SCAF4: variants seen among roughly 807,000 people sequenced by gnomAD.
SCAF4 encodes SR-related and CTD-associated factor 4.
A neutral mutation model predicts 129.8 loss-of-function variants in SCAF4; 25 were observed. That is an observed-to-expected ratio of 0.19 (90% confidence interval 0.14 to 0.27). SCAF4 has a LOEUF of 0.27. Among genes scored for constraint, SCAF4 ranks in the 10% least tolerant of loss-of-function variants. The pLI, the probability that SCAF4 is intolerant of heterozygous loss-of-function variation, is 1.00. For missense variants in SCAF4, 1,246 were observed against 1,457.1 expected, an observed-to-expected ratio of 0.86 and a Z score of 2.36; for synonymous variants, 551 against 497.7, an observed-to-expected ratio of 1.11 and a Z score of -1.43.
intron 19 of SCAF4, among the ~76,000 whole-genome samples, chr21:31,678,200 A>C (rs754263721): frequency 2.0e-5 from 3 of 152,188 alleles, no homozygotes; most frequent in Non-Finnish European, 4.4e-5. Flanking sequence ...AGAATATCCA[A>C]CATTTTAATT....
At chr21:31,717,948 T>C (rs9975022) in intron 1 of SCAF4, among the ~76,000 whole-genome samples, 5,163 of 112,120 alleles carry the variant, frequency 0.046, 103 homozygotes, top group Middle Eastern at 0.064. Flanking sequence ...CACACACACA[T>C]ATATATTTTT....
chr21:31,706,386 A>C lies in SCAF4; in HGVS notation c.31-29T>G, dbSNP rs143641990. The C allele has an allele frequency of 6.9e-6, 10 of 1,455,336 alleles. No individual in the cohort carries two copies. In the African/African-American group the frequency reaches 9.9e-5, roughly 14 times the overall value. 90.2% of individuals were successfully genotyped at this position (1,455,336 alleles called of 1,614,324 possible). On this transcript the variant is annotated intron_variant, in intron 1 of 19. Transcript: ENST00000286835. ...AAAAGACAAAAAACAAACAAAAAGT[A>C]AAGTTTAACTATTTGGCTAGTAAAT...
intron 12 of SCAF4, 103 bp downstream of exon 12, chr21:31,693,191 A>T (rs1275682684): frequency 1.5e-5 from 12 of 805,658 alleles, no homozygotes. Flanking sequence ...AAATCAACAC[A>T]GTGGTAACAT....
intron 19 of SCAF4, among the ~76,000 whole-genome samples, chr21:31,678,858 T>C (rs1442447322): frequency 1.3e-5 from 2 of 152,242 alleles, no homozygotes; most frequent in Non-Finnish European, 2.9e-5. Flanking sequence ...CTCTCCATGT[T>C]AAATTATTAG....
At chr21:31,729,491 C>G (rs2051292468) in intron 1 of SCAF4, among the ~76,000 whole-genome samples, 1 of 152,180 alleles carries the variant, frequency 6.6e-6, no homozygotes, top group African/African-American at 2.4e-5. Context: ...CTACAGTATT[C>G]AGGACATGGC....
At chr21:31,702,682 C>CA (rs34709645) in intron 4 of SCAF4, among the ~76,000 whole-genome samples, 5 of 151,642 alleles carry the variant, frequency 3.3e-5, no homozygotes, top group South Asian at 2.1e-4. Context: ...ACTGACCCCC[C>CA]AAAAAAAAGC....
Position 31,731,714 on chromosome 21 carries a change from G to A in SCAF4, c.-22C>T. ...CCATGTTCGCGCTGCGGCGGCGGCT[G>A]CTCCGGGCCCGCCGGTCACATAGAC... is the stretch of plus-strand genomic sequence containing the variant. On this transcript the variant is annotated 5_prime_UTR_variant, in exon 1 of 20. Transcript: ENST00000286835. 1 of 1,575,350 alleles carries A rather than the reference G, an allele frequency of 6.3e-7. No individual in the cohort carries two copies. Among genetic ancestry groups the A allele is most frequent in the Non-Finnish European group, 8.6e-7 (1 of 1,167,644 alleles).
At chr21:31,686,921 G>A (rs1029903678) in intron 16 of SCAF4, among the ~76,000 whole-genome samples, 2 of 152,156 alleles carry the variant, frequency 1.3e-5, no homozygotes, top group East Asian at 1.9e-4. Context: ...CCCTGGTGCC[G>A]GAAAGGTTGG....
At position 31,696,190 on chromosome 21, in the gene SCAF4, C is replaced by T. The variant is rs776850744; in HGVS notation, c.991G>A (p.Ala331Thr). The T allele has an allele frequency of 1.2e-6, 2 of 1,613,878 alleles. No homozygotes were observed. Among genetic ancestry groups the T allele is most frequent in the Non-Finnish European group, 1.7e-6 (2 of 1,179,900 alleles). ...GFPGDGMQQPAYTQHQNMDQF... is the reference protein window; with the variant it reads ...GFPGDGMQQPTYTQHQNMDQF... ...TCCATATTTTGATGCTGTGTGTATG[C>T]TGGCTGCTGCATGCCATCTCCAGGA... Residue 331 changes from alanine to threonine, a missense_variant, in exon 9 of 20, where the codon GCA becomes ACA. Physicochemically the swap from Ala to Thr is moderately conservative, Grantham distance 58. Around this residue, in one of 6 missense-constraint regions of SCAF4, gnomAD observed 236 missense variants for 210.0 expected, o/e 1.12. Transcript: ENST00000286835.
intron 19 of SCAF4, 158 bp downstream of exon 19, chr21:31,684,891 A>AAAAC (rs200285476): frequency 1.9e-5 from 11 of 590,644 alleles, no homozygotes; most frequent in East Asian, 1.1e-4. Context: ...ATCTTCCTCA[A>AAAAC]AAACAAACAA....
rs373303585 is a variant in SCAF4, at chr21:31,672,996, CATG to C, written c.2489-645_2489-643del. Among the ~76,000 whole-genome samples the C allele has an allele frequency of 3.0e-4, 45 of 152,306 alleles. No individual in the cohort carries two copies. The East Asian group carries it at 8.5e-3, about 29-fold the overall frequency. On this transcript the variant is annotated intron_variant, in intron 19 of 19. Transcript: ENST00000286835. The stretch of plus-strand genomic sequence containing the variant: ...TTACAGTTCCTTTTTCAAGGCACAG[CATG>C]ATATTTAACTTGCGAGGCCATCACG...
intron 1 of SCAF4, 61 bp downstream of exon 1, chr21:31,731,602 G>A (rs2051360993): frequency 3.3e-5 from 51 of 1,561,650 alleles, no homozygotes; most frequent in Non-Finnish European, 4.3e-5. Flanking sequence ...CCGGCGGCGG[G>A]AGAAACGAGC....
chr21:31,681,787 C>T (rs1485511481), intron 19 of SCAF4, among the ~76,000 whole-genome samples: 1 of 152,216 alleles, frequency 6.6e-6, no homozygotes, highest in African/African-American at 2.4e-5. Context: ...TACTCCCAAA[C>T]TAACACCCGC....
chr21:31,678,164 G>A (rs1388880347), intron 19 of SCAF4, among the ~76,000 whole-genome samples: 1 of 152,106 alleles, frequency 6.6e-6, no homozygotes, highest in Non-Finnish European at 1.5e-5. Flanking sequence ...TAGTTTACTT[G>A]ACATCTGTAC....
chr21:31,700,517 C>T (rs1251354412), intron 7 of SCAF4, among the ~76,000 whole-genome samples: 3 of 151,872 alleles, frequency 2.0e-5, no homozygotes, highest in Non-Finnish European at 4.4e-5. Context: ...TACATGCATT[C>T]AGTAAAAATG....
chr21:31,718,849 A>G (rs1251773873), intron 1 of SCAF4, among the ~76,000 whole-genome samples: 1 of 152,196 alleles, frequency 6.6e-6, no homozygotes, highest in Non-Finnish European at 1.5e-5. Flanking sequence ...CTCCTCCACA[A>G]TCTTGTTGAC....
intron 1 of SCAF4, among the ~76,000 whole-genome samples, chr21:31,723,742 A>C (rs569213334): frequency 1.5e-3 from 222 of 152,244 alleles, no homozygotes; most frequent in Non-Finnish European, 2.4e-3. Context: ...GTGTGTTTTA[A>C]AAAAATCTGC....
intron 19 of SCAF4, among the ~76,000 whole-genome samples, chr21:31,682,733 A>G (rs2123489559): frequency 6.6e-6 from 1 of 152,376 alleles, no homozygotes; most frequent in Middle Eastern, 3.4e-3. Flanking sequence ...AAAAGAAAAC[A>G]TTAGAGCACC....
intron 2 of SCAF4, among the ~76,000 whole-genome samples, chr21:31,705,906 T>C (rs138631473): frequency 3.5e-4 from 54 of 152,272 alleles, no homozygotes; most frequent in African/African-American, 1.2e-3. Flanking sequence ...AAATGAAAAT[T>C]TAAAAAACTG....
Sources: gnomAD v4.1 joint callset for allele counts (sites outside exome capture counted in the v4.1 genomes callset) on GRCh38, gnomAD v4.1.1 for gene constraint, gnomAD v4.1.1 regional missense constraint, MANE v1.5 for transcripts, NCBI Gene and HGNC (gene_info 2026-07-23, HGNC 2026-07-21) for gene names.